Variants in ATG5 observed in about 807,000 individuals in gnomAD.
ATG5 encodes the protein autophagy protein 5.
ATG5 carries 14 observed loss-of-function variants against 36.5 expected under a neutral mutation model. The observed-to-expected ratio is 0.38, with a 90% CI of 0.25 to 0.60. The LOEUF (loss-of-function observed/expected upper bound fraction) is 0.60, where lower values mean the gene tolerates loss of function less well. Among genes scored for constraint, ATG5 ranks in the 20% least tolerant of loss-of-function variants. The probability of loss-of-function intolerance (pLI) is 0.60; values close to 1 mark genes in which losing one functional copy is unlikely to be tolerated. For synonymous variants in ATG5, 95 were observed against 101.5 expected, an observed-to-expected ratio of 0.94 and a Z score of 0.38; for missense variants, 195 against 326.7, an observed-to-expected ratio of 0.60 and a Z score of 3.11.
rs1775723556 is a variant in ATG5 at position 106,185,250 on chromosome 6, T to C, written c.*1290A>G. The stretch of plus-strand genomic sequence containing the variant: ...ATCTCACTTCAGCATTTGTATAATT[T>C]TTTATAAGAAAAACATTCATTTTTA... On this transcript the variant is annotated 3_prime_UTR_variant, in exon 8 of 8. Coordinates refer to ENST00000369076, the MANE Select transcript of ATG5 (RefSeq NM_004849.4). 6.5e-6 allele frequency: 1 copy of C among 152,772 alleles called. No individual in the cohort carries two copies. Among genetic ancestry groups the C allele is most frequent in the African/African-American group, 2.4e-5 (1 of 41,460 alleles). 9.5% of individuals were successfully genotyped at this position (152,772 alleles called of 1,614,324 possible).
chr6:106,292,397 A>T (rs1624009), intron 4 of ATG5, among the ~76,000 whole-genome samples: 17,158 of 152,198 alleles, frequency 0.11, 1,056 homozygotes, highest in African/African-American at 0.16. Flanking sequence ...TCATAAAATA[A>T]TGAGACAAAA....
chr6:106,312,250 A>G (rs1770675083), intron 2 of ATG5, among the ~76,000 whole-genome samples: 1 of 152,156 alleles, frequency 6.6e-6, no homozygotes, highest in East Asian at 1.9e-4. Flanking sequence ...GGGATAAGAG[A>G]GAAGGAAGGA....
intron 1 of ATG5, 138 bp from the exon 2 acceptor site, chr6:106,316,404 T>C (rs762640445): frequency 2.2e-6 from 1 of 454,226 alleles, no homozygotes; most frequent in Non-Finnish European, 3.9e-6. Flanking sequence ...CACCAATCTT[T>C]AGTATAAATT....
intron 4 of ATG5, among the ~76,000 whole-genome samples, chr6:106,292,582 C>T (rs1562259712): frequency 2.0e-5 from 3 of 152,164 alleles, no homozygotes; most frequent in South Asian, 2.1e-4. Flanking sequence ...TCCATATCCA[C>T]ATCTACATGC....
chr6:106,292,526 A>G (rs1780350933), intron 4 of ATG5, among the ~76,000 whole-genome samples: 1 of 152,232 alleles, frequency 6.6e-6, no homozygotes, highest in Non-Finnish European at 1.5e-5. Context: ...TTCATTCAAA[A>G]TAGCCTTAGA....
At chr6:106,290,461 C>G (rs1780261480) in intron 4 of ATG5, among the ~76,000 whole-genome samples, 1 of 151,854 alleles carries the variant, frequency 6.6e-6, no homozygotes, top group Admixed American at 6.6e-5. Context: ...GCTAGGACTA[C>G]AGGTGCACAC....
intron 7 of ATG5, among the ~76,000 whole-genome samples, chr6:106,195,242 GAGT>G (rs565206547): frequency 2.5e-3 from 385 of 152,320 alleles, no homozygotes; most frequent in African/African-American, 8.8e-3. Flanking sequence ...CACTTGTAGG[GAGT>G]AGAAGACAAT....
chr6:106,220,554 A>G (rs1462208939), intron 6 of ATG5, among the ~76,000 whole-genome samples: 1 of 152,158 alleles, frequency 6.6e-6, no homozygotes, highest in Admixed American at 6.5e-5. Flanking sequence ...TTTTTCTTCT[A>G]ATATTCCTTA....
chr6:106,275,397 T>C (rs1210433306), intron 5 of ATG5, among the ~76,000 whole-genome samples: 1 of 152,158 alleles, frequency 6.6e-6, no homozygotes, highest in Non-Finnish European at 1.5e-5. Context: ...GCTGTGGAGA[T>C]CTCTCACAAG....
chr6:106,298,954 C>T (rs886563312), intron 3 of ATG5, among the ~76,000 whole-genome samples: 4 of 152,138 alleles, frequency 2.6e-5, no homozygotes, highest in African/African-American at 9.7e-5. Context: ...GTCTTCTAAA[C>T]AGATATTATA....
chr6:106,263,297 T>A (rs377550404), intron 5 of ATG5, among the ~76,000 whole-genome samples: 1 of 152,184 alleles, frequency 6.6e-6, no homozygotes, highest in Non-Finnish European at 1.5e-5. Context: ...TCTAGATTCC[T>A]CCTCATTGGG....
intron 6 of ATG5, among the ~76,000 whole-genome samples, chr6:106,220,250 A>C (rs1374809078): frequency 6.6e-6 from 1 of 152,220 alleles, no homozygotes; most frequent in Non-Finnish European, 1.5e-5. Flanking sequence ...TATCTGTATC[A>C]ATATGTAATA....
intron 5 of ATG5, among the ~76,000 whole-genome samples, chr6:106,256,090 A>G (rs1778788631): frequency 6.6e-6 from 1 of 152,226 alleles, no homozygotes; most frequent in Non-Finnish European, 1.5e-5. Flanking sequence ...AAACAAAAAT[A>G]TTTTAATTTT....
At chr6:106,316,937 C>T (rs1562272879) in intron 1 of ATG5, among the ~76,000 whole-genome samples, 1 of 152,162 alleles carries the variant, frequency 6.6e-6, no homozygotes, top group African/African-American at 2.4e-5. Context: ...ATGCTCCTCT[C>T]TCACTTATTC....
intron 3 of ATG5, among the ~76,000 whole-genome samples, chr6:106,296,656 A>C (rs1769953503): frequency 6.6e-6 from 1 of 152,100 alleles, no homozygotes; most frequent in African/African-American, 2.4e-5. Context: ...CATCTCTACT[A>C]ACAATACAAA....
chr6:106,242,261 T>G (rs2114496621), intron 6 of ATG5, among the ~76,000 whole-genome samples: 1 of 152,192 alleles, frequency 6.6e-6, no homozygotes, highest in African/African-American at 2.4e-5. Context: ...ATTACATGTG[T>G]GAGCCACCAC....
intron 2 of ATG5, among the ~76,000 whole-genome samples, chr6:106,315,118 G>A (rs1166703933): frequency 6.6e-6 from 1 of 152,116 alleles, no homozygotes; most frequent in Admixed American, 6.5e-5. Flanking sequence ...TGAGCGAATG[G>A]GCTCCTTAAT....
At chr6:106,199,190 T>C (rs1281074920) in intron 7 of ATG5, among the ~76,000 whole-genome samples, 3 of 152,198 alleles carry the variant, frequency 2.0e-5, no homozygotes, top group Non-Finnish European at 1.5e-5. Context: ...ATAAACTTAC[T>C]ATATGACCTT....
chr6:106,199,478 T>C (rs532773229), intron 7 of ATG5, among the ~76,000 whole-genome samples: 3 of 152,332 alleles, frequency 2.0e-5, no homozygotes, highest in Non-Finnish European at 2.9e-5. Context: ...ATATGCTGTA[T>C]GGTTCAATTT....
Sources: gnomAD v4.1 joint callset for allele counts (sites outside exome capture counted in the v4.1 genomes callset) on GRCh38, gnomAD v4.1.1 for gene constraint, MANE v1.5 for transcripts, NCBI Gene and HGNC (gene_info 2026-07-23, HGNC 2026-07-21) for gene names.